CLPTM1L: variants seen among roughly 807,000 people sequenced by gnomAD.
The protein encoded by CLPTM1L is lipid scramblase CLPTM1L.
CLPTM1L carries 38 observed loss-of-function variants against 70.9 expected under a neutral mutation model. The observed-to-expected ratio is 0.54, with a 90% confidence interval of 0.41 to 0.70. The LOEUF (loss-of-function observed/expected upper bound fraction) is 0.70. Among genes scored for constraint, CLPTM1L ranks in the 30% least tolerant of loss-of-function variants. CLPTM1L has a pLI of 0.00. For missense variants in CLPTM1L, 652 were observed against 705.9 expected (o/e 0.92, Z 0.87); for synonymous variants, 339 against 299.9 (o/e 1.13, Z -1.35).
chr5:1,329,944 T>G (rs1752972203), intron 9 of CLPTM1L, among the ~76,000 whole-genome samples: 1 of 138,996 alleles, frequency 7.2e-6, no homozygotes, highest in Non-Finnish European at 1.5e-5. Flanking sequence ...GCCTCAGGAC[T>G]CTCTGCTTGG....
chr5:1,321,032 C>A (rs1752120487), intron 15 of CLPTM1L, among the ~76,000 whole-genome samples: 1 of 152,112 alleles, frequency 6.6e-6, no homozygotes, highest in Non-Finnish European at 1.5e-5. Flanking sequence ...CGAGACAGAG[C>A]CAAGGGCAGA....
chr5:1,334,265 C>A, intron 7 of CLPTM1L, 24 bp downstream of exon 7: 1 of 1,597,916 alleles, frequency 6.3e-7, no homozygotes, highest in Non-Finnish European at 8.6e-7. Context: ...GTGCCTGCGG[C>A]AAGCCCCCCG....
At chr5:1,319,567 G>C (rs963373399) in intron 16 of CLPTM1L, among the ~76,000 whole-genome samples, 3 of 152,208 alleles carry the variant, frequency 2.0e-5, no homozygotes, top group Non-Finnish European at 4.4e-5. Flanking sequence ...CCCAAGGGCC[G>C]GCACCCCGGA....
Position 1,331,566 on chromosome 5 carries a change from GAGCTGTGCAGCCGCTGGAGGCCCT to G in CLPTM1L, c.976+209_976+232del, listed in dbSNP as rs1561241207. ...ACGCCAGAGTCCGCAGCCAGGCCCT[GAGCTGTGCAGCCGCTGGAGGCCCT>G]GAGCCGTGCAGCCTCTGATGGTCCC... On this transcript the variant is annotated intron_variant, in intron 8 of 16. Transcript: ENST00000320895. 1.2e-4 allele frequency: 48 copies of G among 401,592 alleles called. 1 individual carries two copies. Among genetic ancestry groups the G allele is most frequent in the Middle Eastern group, 5.6e-4 (1 of 1,790 alleles). The allele number at this position is 401,592 out of a possible 1,614,324, so 24.9% of individuals were successfully genotyped here. A position where few individuals can be genotyped will look rare whatever the true frequency, so the allele number is the denominator to read the frequency against.
chr5:1,318,072 C>T lies in CLPTM1L; in HGVS notation c.*297G>A, dbSNP rs766889596. ...CCCCCTTGCCTGTGAGGGCTCCCACCCCTGCCCGCGTGAGGACATGGCCGA... is the reference window on the plus strand; with the variant it reads ...CCCCCTTGCCTGTGAGGGCTCCCACTCCTGCCCGCGTGAGGACATGGCCGA... On this transcript the variant is annotated 3_prime_UTR_variant, in exon 17 of 17. Coordinates refer to ENST00000320895, the MANE Select transcript of CLPTM1L (RefSeq NM_030782.5). The surrounding 1 kb of genome is among the most constrained non-coding windows in gnomAD (Gnocchi z 8.9). 9 of 399,554 alleles carry T rather than the reference C, an allele frequency of 2.3e-5. No homozygotes were observed. In the South Asian group the frequency reaches 2.3e-4, roughly 10 times the overall value. The allele number at this position is 399,554 out of a possible 1,614,324, so 24.8% of individuals were successfully genotyped here.
At chr5:1,340,136 C>T (rs1435753707) in intron 3 of CLPTM1L, among the ~76,000 whole-genome samples, 4 of 152,216 alleles carry the variant, frequency 2.6e-5, no homozygotes. Context: ...CATGTGGTCA[C>T]GGACTTCACC....
intron 11 of CLPTM1L, 150 bp from the exon 12 acceptor site, chr5:1,324,019 C>T: frequency 1.5e-6 from 1 of 648,468 alleles, no homozygotes; most frequent in South Asian, 1.8e-5. Flanking sequence ...GCGTGAGGGG[C>T]ACAGGCAGGG....
intron 3 of CLPTM1L, among the ~76,000 whole-genome samples, chr5:1,339,442 G>A (rs1346870531): frequency 3.8e-5 from 5 of 132,676 alleles, no homozygotes; most frequent in Non-Finnish European, 8.0e-5. Context: ...AACTGTGCCC[G>A]GGACAGCAGG....
chr5:1,326,897 TCTA>T (rs1752614301), intron 9 of CLPTM1L, among the ~76,000 whole-genome samples: 2 of 149,468 alleles, frequency 1.3e-5, no homozygotes, highest in African/African-American at 5.0e-5. Context: ...CAGCTCCTCC[TCTA>T]CGGACACATT....
intron 6 of CLPTM1L, 120 bp downstream of exon 6, chr5:1,334,937 T>A: frequency 1.5e-6 from 1 of 665,520 alleles, no homozygotes; most frequent in South Asian, 1.8e-5. Context: ...TGATTCAACG[T>A]CTGTGCAAGG....
chr5:1,342,049 C>T lies in CLPTM1L; in HGVS notation c.264-189G>A, dbSNP rs978586995. Among the ~76,000 whole-genome samples the T allele has an allele frequency of 2.7e-5, 4 of 147,910 alleles. No homozygotes were observed. The highest frequency in any genetic ancestry group is 1.3e-4 in the Admixed American group (2 of 15,012). ...GTGTGTGTGTGTGTGTGCACGCGCA[C>T]GCGTGCGCGTCCTGAGAACTCGGCA... On this transcript the variant is annotated intron_variant, in intron 2 of 16. Transcript: ENST00000320895. The surrounding 1 kb of genome is among the most constrained non-coding windows in gnomAD (Gnocchi z 4.3).
intron 4 of CLPTM1L, chr5:1,338,381 T>C (rs1753718848): frequency 3.5e-6 from 1 of 284,844 alleles, no homozygotes; most frequent in Admixed American, 4.9e-5. Flanking sequence ...TGCAGCCACC[T>C]GGGAGGCGGA....
intron 3 of CLPTM1L, among the ~76,000 whole-genome samples, chr5:1,340,724 CTCTT>C (rs546720138): frequency 6.6e-6 from 1 of 152,298 alleles, no homozygotes; most frequent in East Asian, 1.9e-4. Flanking sequence ...CGAGAGACCT[CTCTT>C]TCTCTCTGTC....
chr5:1,324,733 T>C (rs767140006), intron 11 of CLPTM1L, 30 bp downstream of exon 11: 52 of 1,606,866 alleles, frequency 3.2e-5, no homozygotes, highest in Non-Finnish European at 4.3e-5. Flanking sequence ...TTGCCTGGCA[T>C]GCACGTGCCC....
At position 1,334,624 on chromosome 5, in the gene CLPTM1L, C is replaced by T. The variant is rs181278503; in HGVS notation, c.797-241G>A. Reference sequence around the variant, plus strand: ...CAAAAATTAGCTGGGCGTGGGGGCACGCGCCTGTAATCCTAGCTACTGGGG... The same window carrying T: ...CAAAAATTAGCTGGGCGTGGGGGCATGCGCCTGTAATCCTAGCTACTGGGG... On this transcript the variant is annotated intron_variant, in intron 6 of 16. Coordinates refer to ENST00000320895, the MANE Select transcript of CLPTM1L (RefSeq NM_030782.5). 2.8e-4 allele frequency among the ~76,000 whole-genome samples: 43 copies of T among 151,996 alleles called. No individual in the cohort carries two copies. The East Asian group carries it at 7.2e-3, about 25-fold the overall frequency.
At chr5:1,326,115 C>G (rs1040840266) in intron 9 of CLPTM1L, 2 of 400,092 alleles carry the variant, frequency 5.0e-6, no homozygotes. Flanking sequence ...TAAGCCCCCA[C>G]CTACTTCTGC....
Position 1,318,495 on chromosome 5 carries a change from G to A in CLPTM1L, c.1533-42C>T. The A allele has an allele frequency of 6.6e-7, 1 of 1,520,490 alleles. No homozygotes were observed. Among genetic ancestry groups the A allele is most frequent in the Non-Finnish European group, 9.1e-7 (1 of 1,098,750 alleles). The allele number at this position is 1,520,490 out of a possible 1,614,324, so 94.2% of individuals were successfully genotyped here. On this transcript the variant is annotated intron_variant, in intron 16 of 16. Coordinates refer to ENST00000320895, the MANE Select transcript of CLPTM1L (RefSeq NM_030782.5). This position sits in a 1 kb window ranked among gnomAD's most constrained non-coding sequence, Gnocchi z 8.9. ...GAGCACATCAGCAAACCCCACTGCA[G>A]GGGCTATTTTTCTAAGAGGAGGACT...
At chr5:1,324,213 G>A (rs140277347) in intron 11 of CLPTM1L, among the ~76,000 whole-genome samples, 3 of 152,352 alleles carry the variant, frequency 2.0e-5, no homozygotes, top group East Asian at 3.9e-4. Context: ...TAGTTACATC[G>A]CCAGCTGTAT....
In CLPTM1L at chr5:1,344,668, G is replaced by A. The variant is rs1313577606; in HGVS notation, c.162+12C>T. 3.2e-6 allele frequency: 5 copies of A among 1,547,082 alleles called. No homozygotes were observed. The highest frequency in any genetic ancestry group is 2.4e-5 in the South Asian group (2 of 83,912). The stretch of plus-strand genomic sequence containing the variant: ...CCCAACCCGCCCGGCCCCCGGCCCC[G>A]CGGACGCTCACCTGCAGCTTGGGCC... On this transcript the variant is annotated intron_variant, in intron 1 of 16. Transcript: ENST00000320895.
Sources: allele counts gnomAD v4.1 joint callset (sites outside exome capture counted in the v4.1 genomes callset), GRCh38; gene constraint gnomAD v4.1.1; non-coding constraint Gnocchi (gnomAD v3.1); transcripts MANE v1.5; gene names NCBI Gene and HGNC (gene_info 2026-07-23, HGNC 2026-07-21).